The following TRPC5 variants were observed in gnomAD, a reference collection of about 807,000 sequenced individuals.
The protein encoded by TRPC5 is transient receptor potential cation channel subfamily C member 5, also known as short transient receptor potential channel 5.
Under a neutral mutation model 56.5 loss-of-function variants are expected in TRPC5, and 9 were observed. The observed-to-expected ratio is 0.16, with a 90% CI of 0.10 to 0.28. The LOEUF (loss-of-function observed/expected upper bound fraction) is 0.28. TRPC5 is among the 10% of genes least tolerant of loss of function. The pLI is 1.00. For missense variants in TRPC5, 469 were observed against 748.9 expected (o/e 0.63, Z 4.36); for synonymous variants, 282 against 278.5 (o/e 1.01, Z -0.13).
intron 3 of TRPC5, among the ~76,000 whole-genome samples, chrX:111,883,112 T>C (rs1002337415): frequency 9.2e-6 from 1 of 109,132 alleles, no homozygotes; most frequent in African/African-American, 3.3e-5. Context: ...AAAGACCTAG[T>C]CACAGCCTAA....
At chrX:111,994,885 T>A (rs942069172) in intron 1 of TRPC5, among the ~76,000 whole-genome samples, 2 of 112,003 alleles carry the variant, frequency 1.8e-5, no homozygotes, top group Non-Finnish European at 3.8e-5. Flanking sequence ...CCTAACTGAA[T>A]ACCCTTTATT....
Position 111,771,176 on chromosome X carries a change from T to C in TRPC5, c.*5137A>G, listed in dbSNP as rs531058278. ...GATGTATGACAGTTGATTTCAATGA[T>C]CAAAAGTTGTGGGCTGTTTATGTTC... On this transcript the variant is annotated 3_prime_UTR_variant, in exon 11 of 11. Coordinates refer to ENST00000262839, the MANE Select transcript of TRPC5 (RefSeq NM_012471.3). Among the ~76,000 whole-genome samples, 2 of 111,737 alleles carry C rather than the reference T, an allele frequency of 1.8e-5. No homozygotes were observed. The highest frequency in any genetic ancestry group is 6.5e-5 in the African/African-American group (2 of 30,766).
At position 112,082,250 on chromosome X, in the gene TRPC5, C is replaced by G. The variant is rs1007072508; in HGVS notation, c.-393G>C. On this transcript the variant is annotated 5_prime_UTR_variant, in exon 1 of 11. Transcript: ENST00000262839. ...CTAACCCAACCTGAGCCCCTTCAAG[C>G]GCACCCACTCCCTTCACGCAGCCAG... 1.8e-5 allele frequency: 2 copies of G among 111,471 alleles called. No homozygotes were observed. Among genetic ancestry groups the G allele is most frequent in the African/African-American group, 6.6e-5 (2 of 30,498 alleles). The allele number at this position is 111,471 out of a possible 1,213,427, so 9.2% of individuals were successfully genotyped here.
chrX:112,057,079 G>T (rs1264118673), intron 1 of TRPC5, among the ~76,000 whole-genome samples: 1 of 111,927 alleles, frequency 8.9e-6, no homozygotes, highest in Non-Finnish European at 1.9e-5. Flanking sequence ...AGTCACGAGG[G>T]TCATTAGATC....
chrX:111,800,404 G>C (rs1215009016), intron 7 of TRPC5, among the ~76,000 whole-genome samples: 9 of 111,627 alleles, frequency 8.1e-5, no homozygotes, highest in African/African-American at 2.9e-4. Flanking sequence ...GGCCGAGGAG[G>C]GTGGATCACG....
intron 1 of TRPC5, among the ~76,000 whole-genome samples, chrX:112,021,913 G>A (rs185919974): frequency 4.3e-4 from 48 of 112,529 alleles, no homozygotes; most frequent in Non-Finnish European, 6.8e-4. Flanking sequence ...CTGAGAAACC[G>A]AAAGTCTGTG....
intron 3 of TRPC5, among the ~76,000 whole-genome samples, chrX:111,870,475 C>T (rs748608367): frequency 1.8e-5 from 2 of 111,621 alleles, no homozygotes; most frequent in South Asian, 7.5e-4. Context: ...CATTATTTAT[C>T]TGAAATTTAA....
chrX:112,080,123 G>C (rs960890026), intron 1 of TRPC5, among the ~76,000 whole-genome samples: 3 of 111,661 alleles, frequency 2.7e-5, no homozygotes, highest in Non-Finnish European at 3.8e-5. Context: ...GATCCTACTT[G>C]AGTAATCCTC....
intron 7 of TRPC5, among the ~76,000 whole-genome samples, chrX:111,799,051 T>C (rs62612004): frequency 0.081 from 9,039 of 110,946 alleles, 395 homozygotes; most frequent in Middle Eastern, 0.15. Context: ...GGTTTTTTAA[T>C]GCAGATGAAA....
At position 112,004,981 on chromosome X, in the gene TRPC5, T is replaced by C. The variant is rs745885181; in HGVS notation, c.-21-52540A>G. On this transcript the variant is annotated intron_variant, in intron 1 of 10. Coordinates refer to ENST00000262839, the MANE Select transcript of TRPC5 (RefSeq NM_012471.3). ...TCTCATATAGTCTTGTTCTCTGTCC[T>C]GGCCACACATTAGAATCACTTCAGG... 2.0e-4 allele frequency among the ~76,000 whole-genome samples: 22 copies of C among 111,985 alleles called. No individual in the cohort carries two copies. In the East Asian group the frequency reaches 5.1e-3, roughly 26 times the overall value.
chrX:111,812,634 A>G (rs1921745048), intron 7 of TRPC5, among the ~76,000 whole-genome samples: 1 of 111,707 alleles, frequency 9.0e-6, no homozygotes, highest in South Asian at 3.8e-4. Context: ...GGTGATGGGA[A>G]TGCCACACAG....
At chrX:112,015,486 T>C (rs1279291694) in intron 1 of TRPC5, among the ~76,000 whole-genome samples, 1 of 111,271 alleles carries the variant, frequency 9.0e-6, no homozygotes, top group Non-Finnish European at 1.9e-5. Context: ...CTCAAAACGT[T>C]GGGATTACAG....
chrX:112,031,680 T>A (rs764719175), intron 1 of TRPC5, among the ~76,000 whole-genome samples: 5 of 109,798 alleles, frequency 4.6e-5, no homozygotes, highest in South Asian at 3.8e-4. Context: ...TATATCTATA[T>A]ACATAGATGT....
At chrX:111,830,030 G>A (rs940481269) in intron 7 of TRPC5, among the ~76,000 whole-genome samples, 24 of 112,954 alleles carry the variant, frequency 2.1e-4, no homozygotes, top group African/African-American at 7.7e-4. Context: ...ATGGGGGGCT[G>A]TACCCTGCAA....
At chrX:111,936,013 G>A (rs954835294) in intron 2 of TRPC5, among the ~76,000 whole-genome samples, 10 of 111,673 alleles carry the variant, frequency 9.0e-5, no homozygotes, top group African/African-American at 2.6e-4. Flanking sequence ...GAATGCCATT[G>A]GTATTTGCAT....
At chrX:111,867,487 G>A (rs1012913135) in intron 3 of TRPC5, among the ~76,000 whole-genome samples, 1 of 99,192 alleles carries the variant, frequency 1.0e-5, no homozygotes, top group African/African-American at 5.3e-5. Context: ...CCAGAGGTGT[G>A]ACCTCTCTCC....
chrX:111,897,178 A>G, intron 3 of TRPC5, among the ~76,000 whole-genome samples: 1 of 111,745 alleles, frequency 8.9e-6, no homozygotes, highest in Middle Eastern at 4.6e-3. Flanking sequence ...AAATACTTCA[A>G]AATCTGAAAT....
intron 1 of TRPC5, among the ~76,000 whole-genome samples, chrX:112,010,135 A>T (rs1025367382): frequency 8.9e-5 from 10 of 111,959 alleles, no homozygotes; most frequent in Non-Finnish European, 9.4e-5. Flanking sequence ...CGGAAAGAGG[A>T]AAGACCCAGA....
chrX:111,977,819 C>T (rs971695568), intron 1 of TRPC5, among the ~76,000 whole-genome samples: 2 of 111,717 alleles, frequency 1.8e-5, no homozygotes, highest in Non-Finnish European at 3.8e-5. Context: ...CCTAAATAGA[C>T]GCTTCTCAAA....
Sources: gnomAD v4.1 joint callset for allele counts (sites outside exome capture counted in the v4.1 genomes callset) on GRCh38, gnomAD v4.1.1 for gene constraint, MANE v1.5 for transcripts, NCBI Gene and HGNC (gene_info 2026-07-23, HGNC 2026-07-21) for gene names.